The following AKR1C4 variants were observed in gnomAD, a reference collection of about 807,000 sequenced individuals.
AKR1C4 encodes the protein 3-alpha-HSD1.
Under a neutral mutation model 41.0 loss-of-function variants are expected in AKR1C4, and 44 were observed. That is an observed-to-expected ratio of 1.07 (90% CI 0.84 to 1.38). The LOEUF (loss-of-function observed/expected upper bound fraction) is 1.38, where lower values mean the gene tolerates loss of function less well. Ranked by LOEUF, AKR1C4 falls within the 40% of genes most tolerant of loss-of-function variation. The pLI is 0.00. For synonymous variants in AKR1C4, 165 were observed against 137.7 expected (o/e 1.20, Z -1.39); for missense variants, 438 against 387.9 (o/e 1.13, Z -1.09).
chr10:5,205,240 G>A (rs926316198), intron 3 of AKR1C4, among the ~76,000 whole-genome samples: 35 of 152,122 alleles, frequency 2.3e-4, no homozygotes, highest in Non-Finnish European at 8.8e-5. Context: ...ATAGCTTTGA[G>A]GCAGCTCAAT....
intron 5 of AKR1C4, 84 bp downstream of exon 5, chr10:5,206,481 A>G (rs1554797504): frequency 6.3e-7 from 1 of 1,587,814 alleles, no homozygotes; most frequent in Non-Finnish European, 8.6e-7. Context: ...GTTTTGTTCC[A>G]CTTACATTTG....
chr10:5,212,363 G>A (rs1832588525), intron 5 of AKR1C4, among the ~76,000 whole-genome samples: 1 of 152,174 alleles, frequency 6.6e-6, no homozygotes, highest in Non-Finnish European at 1.5e-5. Flanking sequence ...TCTAGAATTG[G>A]CCATGTGCAC....
At chr10:5,214,895 C>T (rs1832633926) in intron 7 of AKR1C4, among the ~76,000 whole-genome samples, 1 of 152,132 alleles carries the variant, frequency 6.6e-6, no homozygotes. Context: ...AATTTGTATA[C>T]TGAGACCCTC....
intron 2 of AKR1C4, among the ~76,000 whole-genome samples, chr10:5,200,806 A>G (rs190338635): frequency 6.5e-4 from 99 of 152,228 alleles, no homozygotes; most frequent in Non-Finnish European, 9.7e-4. Context: ...TATAATCTGT[A>G]TATCTATACA....
chr10:5,201,078 ATG>A (rs2132124806), intron 2 of AKR1C4, among the ~76,000 whole-genome samples: 1 of 152,162 alleles, frequency 6.6e-6, no homozygotes, highest in East Asian at 1.9e-4. Flanking sequence ...ATGTGTGGGT[ATG>A]TGTTTTTTAT....
intron 3 of AKR1C4, among the ~76,000 whole-genome samples, chr10:5,205,457 A>G (rs548725538): frequency 6.8e-4 from 104 of 152,324 alleles, no homozygotes; most frequent in Non-Finnish European, 1.3e-3. Flanking sequence ...TGAGTCAAAG[A>G]GAGGCATTTC....
At chr10:5,202,272 C>G (rs1031181713) in intron 2 of AKR1C4, among the ~76,000 whole-genome samples, 1 of 151,996 alleles carries the variant, frequency 6.6e-6, no homozygotes, top group African/African-American at 2.4e-5. Context: ...TTATTTGCAG[C>G]TGTTGTAAAT....
chr10:5,204,639 A>G lies in AKR1C4; in HGVS notation c.369+146A>G, dbSNP rs781913352. ...TATAATGCCTAAGCCATTTTCTTGA[A>G]GAGTACAACCTTCCTTCTGTAACGT... is the stretch of plus-strand genomic sequence containing the variant. On this transcript the variant is annotated intron_variant, in intron 3 of 8. Transcript: ENST00000263126. 1.3e-5 allele frequency: 10 copies of G among 775,610 alleles called. No homozygotes were observed. The Admixed American group carries it at 1.5e-4, about 12-fold the overall frequency. 48.0% of individuals were successfully genotyped at this position (775,610 alleles called of 1,614,324 possible). A position where few individuals can be genotyped will look rare whatever the true frequency, so the allele number is the denominator to read the frequency against.
At chr10:5,206,450 C>A in intron 5 of AKR1C4, 53 bp downstream of exon 5, 2 of 1,609,446 alleles carry the variant, frequency 1.2e-6, no homozygotes, top group Non-Finnish European at 1.7e-6. Context: ...ATCTTCCTGT[C>A]CTACTGCCTG....
intron 1 of AKR1C4, among the ~76,000 whole-genome samples, chr10:5,197,389 A>T (rs1235351804): frequency 6.6e-6 from 1 of 152,222 alleles, no homozygotes; most frequent in African/African-American, 2.4e-5. Flanking sequence ...GATGGGGTGT[A>T]TGAAAACTGT....
intron 1 of AKR1C4, among the ~76,000 whole-genome samples, chr10:5,197,521 A>G (rs1554796438): frequency 6.6e-6 from 1 of 152,230 alleles, no homozygotes; most frequent in African/African-American, 2.4e-5. Context: ...AGGAAAAATA[A>G]CTTTATTCTA....
chr10:5,211,651 T>G (rs1162258338), intron 5 of AKR1C4, among the ~76,000 whole-genome samples: 2 of 152,212 alleles, frequency 1.3e-5, no homozygotes, highest in Non-Finnish European at 2.9e-5. Flanking sequence ...TCCTGAGCCC[T>G]CCAAACTGTC....
chr10:5,202,616 A>T (rs1365214029), intron 2 of AKR1C4: 3 of 307,250 alleles, frequency 9.8e-6, no homozygotes, highest in Non-Finnish European at 2.0e-5. Flanking sequence ...ATTTTTCTCC[A>T]TTCAGTATGA....
chr10:5,204,942 G>A (rs181392762), intron 3 of AKR1C4, among the ~76,000 whole-genome samples: 7 of 152,280 alleles, frequency 4.6e-5, no homozygotes, highest in African/African-American at 1.7e-4. Flanking sequence ...ACCATAATAG[G>A]ACCTGAGAAT....
At chr10:5,210,604 C>T (rs891021522) in intron 5 of AKR1C4, among the ~76,000 whole-genome samples, 5 of 46,088 alleles carry the variant, frequency 1.1e-4, no homozygotes, top group African/African-American at 3.3e-4. Context: ...TCCCAAACCT[C>T]AATTTTTTTT....
chr10:5,213,558 C>T (rs1478367391), intron 7 of AKR1C4, among the ~76,000 whole-genome samples: 8 of 151,984 alleles, frequency 5.3e-5, no homozygotes, highest in Admixed American at 5.2e-4. Context: ...TTGTTGAGTG[C>T]CTGTTGAAAT....
At chr10:5,212,566 A>G (rs1832591773) in intron 5 of AKR1C4, 50 bp from the exon 6 acceptor site, 3 of 1,473,898 alleles carry the variant, frequency 2.0e-6, no homozygotes, top group African/African-American at 2.8e-5. Context: ...CTTTATATTA[A>G]CATATCTGTT....
In AKR1C4 at chr10:5,212,579, G is replaced by A. The variant is rs1554798032; in HGVS notation, c.571-37G>A. 7.7e-6 allele frequency: 12 copies of A among 1,549,636 alleles called. No homozygotes were observed. In the South Asian group the frequency reaches 1.0e-4, roughly 14 times the overall value. On this transcript the variant is annotated intron_variant, in intron 5 of 8. Transcript: ENST00000263126. ...ATCTTTATATTAACATATCTGTTTTGAATTATCTGATGCTTTTCTCTCTTG... is the reference window on the plus strand; with the variant it reads ...ATCTTTATATTAACATATCTGTTTTAAATTATCTGATGCTTTTCTCTCTTG...
intron 8 of AKR1C4, 23 bp downstream of exon 8, chr10:5,216,816 T>A: frequency 1.9e-6 from 3 of 1,550,486 alleles, no homozygotes; most frequent in Non-Finnish European, 2.7e-6. Flanking sequence ...GGAAAATGGG[T>A]TTCCCAGTTT....
Sources: allele counts gnomAD v4.1 joint callset (sites outside exome capture counted in the v4.1 genomes callset), GRCh38; gene constraint gnomAD v4.1.1; transcripts MANE v1.5; gene names NCBI Gene and HGNC (gene_info 2026-07-23, HGNC 2026-07-21).